UTRN: variants seen among roughly 807,000 people sequenced by gnomAD.
UTRN encodes the protein dystrophin-related protein 1.
Under a neutral mutation model 463.9 loss-of-function variants are expected in UTRN, and 283 were observed. The ratio of observed to expected loss-of-function variants is 0.61; its 90% CI spans 0.55 to 0.67. The LOEUF (loss-of-function observed/expected upper bound fraction) is 0.67. Ranked by LOEUF, UTRN falls within the 30% of genes least tolerant of loss-of-function variation. UTRN has a pLI of 0.00. For synonymous variants in UTRN, 1,442 were observed against 1,431.5 expected (o/e 1.01, Z -0.17); for missense variants, 3,922 against 4,084.3 (o/e 0.96, Z 1.08).
At chr6:144,681,305 A>G (rs1782171406) in intron 52 of UTRN, among the ~76,000 whole-genome samples, 1 of 152,116 alleles carries the variant, frequency 6.6e-6, no homozygotes, top group Non-Finnish European at 1.5e-5. Context: ...GAGAGGTTGA[A>G]ACATTAGAAG....
chr6:144,754,531 C>CTTT (rs34213856), intron 56 of UTRN, among the ~76,000 whole-genome samples, 189 bp from the exon 57 acceptor site: 19 of 112,086 alleles, frequency 1.7e-4, no homozygotes, highest in South Asian at 8.9e-4. Context: ...CAGAAGGAGT[C>CTTT]TTTTTTTTTT....
chr6:144,482,330 T>C lies in UTRN; in HGVS notation c.3629T>C (p.Val1210Ala), dbSNP rs1477206652. 1 of 1,605,936 alleles carries C rather than the reference T, an allele frequency of 6.2e-7. No individual in the cohort carries two copies. Among genetic ancestry groups the C allele is most frequent in the South Asian group, 1.1e-5 (1 of 88,776 alleles). ...GAGTTGACGTCTGAGCTGAATGTTG[T>C]GCTGGAGAATTACCAACTTCTTTGT... ...GQELTSELNVVLENYQLLCNR... is the reference protein window; with the variant it reads ...GQELTSELNVALENYQLLCNR... The change falls in exon 27 of 75, where the codon GTG becomes GCG. Residue 1210 changes from valine (V) to alanine (A), a missense_variant. Val to Ala is a moderately conservative substitution (Grantham distance 64). Transcript: ENST00000367545.
At chr6:144,762,638 C>T (rs1274894739) in intron 58 of UTRN, among the ~76,000 whole-genome samples, 9 of 152,154 alleles carry the variant, frequency 5.9e-5, no homozygotes, top group African/African-American at 1.7e-4. Flanking sequence ...ATGTCATTCC[C>T]ACAGTGCTTG....
At chr6:144,655,762 ATAGGAGTAAGATGTAAAG>A (rs1779254178) in intron 51 of UTRN, among the ~76,000 whole-genome samples, 1 of 152,236 alleles carries the variant, frequency 6.6e-6, no homozygotes, top group Non-Finnish European at 1.5e-5. Flanking sequence ...AAGATCCACT[ATAGGAGTAAGATGTAAAG>A]TTCTTATTTG....
At chr6:144,602,591 A>G (rs1804374885) in intron 51 of UTRN, among the ~76,000 whole-genome samples, 1 of 152,246 alleles carries the variant, frequency 6.6e-6, no homozygotes, top group Non-Finnish European at 1.5e-5. Context: ...AGGTGAATCA[A>G]TGAGTGATGT....
intron 28 of UTRN, among the ~76,000 whole-genome samples, chr6:144,486,112 G>C (rs550382169): frequency 5.9e-5 from 9 of 152,260 alleles, no homozygotes; most frequent in African/African-American, 2.2e-4. Flanking sequence ...GTGCAAAGAG[G>C]GTAGGTTTGC....
At chr6:144,679,301 T>A (rs1781974220) in intron 52 of UTRN, among the ~76,000 whole-genome samples, 1 of 152,132 alleles carries the variant, frequency 6.6e-6, no homozygotes, top group South Asian at 2.1e-4. Context: ...TATTTTAAGA[T>A]CATATTTAAT....
intron 51 of UTRN, among the ~76,000 whole-genome samples, chr6:144,675,832 CG>C (rs1268648951): frequency 1.3e-5 from 2 of 152,116 alleles, no homozygotes; most frequent in Non-Finnish European, 2.9e-5. Context: ...CGAAAGTTCA[CG>C]GTGTGAGTCT....
At position 144,610,943 on chromosome 6, in the gene UTRN, AG is replaced by A. The variant is rs556283947; in HGVS notation, c.7479+33657del. 5.3e-3 allele frequency among the ~76,000 whole-genome samples: 810 copies of A among 152,312 alleles called. 5 individuals carry two copies. Among genetic ancestry groups the A allele is most frequent in the Middle Eastern group, 0.01 (3 of 294 alleles). On this transcript the variant is annotated intron_variant, in intron 51 of 74. Coordinates refer to ENST00000367545, the MANE Select transcript of UTRN (RefSeq NM_007124.3). ...ATAGGGCAATCTCCATAATGAATAC[AG>A]GTGAAAAAACCCTCAACAAACTATT... is the stretch of plus-strand genomic sequence containing the variant.
chr6:144,750,539 C>A (rs1336631624), intron 55 of UTRN, among the ~76,000 whole-genome samples: 1 of 152,052 alleles, frequency 6.6e-6, no homozygotes, highest in Non-Finnish European at 1.5e-5. Flanking sequence ...AAAGAGCCTC[C>A]CCACTTAAAG....
chr6:144,844,497 G>A (rs1781857211), intron 73 of UTRN, among the ~76,000 whole-genome samples: 1 of 152,056 alleles, frequency 6.6e-6, no homozygotes, highest in African/African-American at 2.4e-5. Context: ...TCAAACTCCT[G>A]GCCTCAAGTG....
chr6:144,525,612 A>AT (rs1368718342), intron 41 of UTRN, among the ~76,000 whole-genome samples: 1 of 150,992 alleles, frequency 6.6e-6, no homozygotes, highest in Non-Finnish European at 1.5e-5. Context: ...AATTTTATTT[A>AT]TTTTTTTAGA....
intron 13 of UTRN, among the ~76,000 whole-genome samples, chr6:144,442,139 T>G (rs773612210): frequency 6.6e-6 from 1 of 152,258 alleles, no homozygotes; most frequent in Non-Finnish European, 1.5e-5. Flanking sequence ...TATGCAAATT[T>G]CTGCAGCCAG....
At chr6:144,671,941 A>G (rs572960210) in intron 51 of UTRN, among the ~76,000 whole-genome samples, 6 of 152,074 alleles carry the variant, frequency 3.9e-5, no homozygotes, top group African/African-American at 1.4e-4. Context: ...TTTTAATTCT[A>G]TTATGTGTTG....
chr6:144,419,131 C>T (rs1028908871), intron 3 of UTRN, among the ~76,000 whole-genome samples: 3 of 152,164 alleles, frequency 2.0e-5, no homozygotes, highest in African/African-American at 7.2e-5. Flanking sequence ...AGGCAGGTGA[C>T]GAAGGCCACT....
In UTRN at chr6:144,439,880, C is replaced by T. The variant is rs1786972743; in HGVS notation, c.1393-472C>T. The stretch of plus-strand genomic sequence containing the variant: ...GGCGAGAGAATCTAAGGTGTCCATA[C>T]TTCTTTAACTGCTTTATTGGGTAGC... On this transcript the variant is annotated intron_variant, in intron 12 of 74. Coordinates refer to ENST00000367545, the MANE Select transcript of UTRN (RefSeq NM_007124.3). 2.0e-5 allele frequency among the ~76,000 whole-genome samples: 3 copies of T among 152,192 alleles called. No homozygotes were observed. The South Asian group carries it at 6.2e-4, about 32-fold the overall frequency.
chr6:144,769,135 G>T (rs1586477955), intron 58 of UTRN, among the ~76,000 whole-genome samples: 1 of 151,634 alleles, frequency 6.6e-6, no homozygotes, highest in African/African-American at 2.4e-5. Context: ...TGTTATTTTG[G>T]GGGAAAATGC....
At chr6:144,433,935 C>T (rs1432995349) in intron 9 of UTRN, among the ~76,000 whole-genome samples, 14 of 152,034 alleles carry the variant, frequency 9.2e-5, no homozygotes, top group African/African-American at 2.2e-4. Context: ...ACTTCCCAGA[C>T]GGGGTGGCAG....
At chr6:144,812,133 A>G (rs1174058557) in intron 65 of UTRN, among the ~76,000 whole-genome samples, 1 of 152,166 alleles carries the variant, frequency 6.6e-6, no homozygotes, top group Non-Finnish European at 1.5e-5. Context: ...ATTAAAACAA[A>G]TATTTTCTGT....
Sources: allele counts gnomAD v4.1 joint callset (sites outside exome capture counted in the v4.1 genomes callset), GRCh38; gene constraint gnomAD v4.1.1; transcripts MANE v1.5; gene names NCBI Gene and HGNC (gene_info 2026-07-23, HGNC 2026-07-21).